Variants in ICA1L observed in about 807,000 individuals in gnomAD.
ICA1L encodes islet cell autoantigen 1-like protein.
In ICA1L, 50 loss-of-function variants were observed where a neutral mutation model predicts 61.3. The observed-to-expected ratio is 0.82, with a 90% CI of 0.65 to 1.03. The LOEUF (loss-of-function observed/expected upper bound fraction) is 1.03. Among genes scored for constraint, ICA1L ranks in the 50% least tolerant of loss-of-function variants. ICA1L has a pLI of 0.00. For synonymous variants in ICA1L, 161 were observed against 191.3 expected (o/e 0.84, Z 1.31); for missense variants, 508 against 556.7 (o/e 0.91, Z 0.88).
chr2:202,834,085 T>C (rs1574364478), intron 1 of ICA1L, among the ~76,000 whole-genome samples: 2 of 152,204 alleles, frequency 1.3e-5, no homozygotes, highest in East Asian at 3.8e-4. Context: ...GATGAGGTAA[T>C]ACATATGTTA....
intron 3 of ICA1L, among the ~76,000 whole-genome samples, chr2:202,823,594 T>C (rs1369287362): frequency 6.6e-6 from 1 of 152,154 alleles, no homozygotes; most frequent in Non-Finnish European, 1.5e-5. Flanking sequence ...TTTGTTCCTT[T>C]ATCCTCCCAT....
chr2:202,816,170 A>G (rs746766993), intron 6 of ICA1L, among the ~76,000 whole-genome samples, 161 bp from the exon 7 acceptor site: 14 of 152,234 alleles, frequency 9.2e-5, no homozygotes, highest in Non-Finnish European at 1.6e-4. Context: ...AGCACTGCAA[A>G]TAGTACTTGT....
chr2:202,821,551 A>C (rs1482754690), intron 3 of ICA1L, 70 bp from the exon 4 acceptor site: 5 of 1,180,516 alleles, frequency 4.2e-6, no homozygotes, highest in South Asian at 2.9e-5. Context: ...ACACAACTAA[A>C]AATCTCACAG....
intron 12 of ICA1L, among the ~76,000 whole-genome samples, chr2:202,782,086 C>T (rs1275104299): frequency 6.6e-6 from 1 of 152,120 alleles, no homozygotes; most frequent in African/African-American, 2.4e-5. Context: ...TGGTTCATGC[C>T]TGTAATCCCA....
chr2:202,786,597 G>C lies in ICA1L; in HGVS notation c.1244-590C>G, dbSNP rs755225056. 201 of 311,392 alleles carry C rather than the reference G, an allele frequency of 6.5e-4. 1 individual carries two copies. Among genetic ancestry groups the C allele is most frequent in the Middle Eastern group, 2.4e-3 (6 of 2,528 alleles). The allele number at this position is 311,392 out of a possible 1,614,324, so 19.3% of individuals were successfully genotyped here. ...TAATAATTGAAATGCAAAAGGTATAGGAAGAAGTTCTAAAGAGTCAAGAAG... is the reference window on the plus strand; with the variant it reads ...TAATAATTGAAATGCAAAAGGTATACGAAGAAGTTCTAAAGAGTCAAGAAG... On this transcript the variant is annotated intron_variant, in intron 11 of 12. Coordinates refer to ENST00000358299, the MANE Select transcript of ICA1L (RefSeq NM_001288622.3).
In ICA1L at chr2:202,828,904, T is replaced by C; in HGVS notation, c.106A>G (p.Lys36Glu). The C allele has an allele frequency of 3.1e-6, 5 of 1,613,904 alleles. No individual in the cohort carries two copies. Among genetic ancestry groups the C allele is most frequent in the Non-Finnish European group, 4.2e-6 (5 of 1,179,956 alleles). ...TKQVFIKATG[K>E]KEDEHLVASD... ...GCCACCAAGTGCTCATCCTCTTTTT[T>C]TCCTGTTGCTTTGATAAAGACCTGT... is the stretch of plus-strand genomic sequence containing the variant. Residue 36 changes from lysine to glutamate, a missense_variant, in exon 2 of 13, where the codon AAA becomes GAA. Transcript: ENST00000358299.
At position 202,813,716 on chromosome 2, in the gene ICA1L, T is replaced by C. The variant is rs557868915; in HGVS notation, c.866+986A>G. Among the ~76,000 whole-genome samples the C allele has an allele frequency of 2.0e-4, 31 of 152,294 alleles. No individual in the cohort carries two copies. In the East Asian group the frequency reaches 5.0e-3, roughly 25 times the overall value. On this transcript the variant is annotated intron_variant, in intron 8 of 12. Transcript: ENST00000358299. ...CCTTATTTCTGAGTTCGTTAATATA[T>C]TGAATCTGGTTAAAATGAGAATTAA... is the stretch of plus-strand genomic sequence containing the variant.
At chr2:202,789,131 G>A in intron 10 of ICA1L, 44 bp from the exon 11 acceptor site, 1 of 1,486,152 alleles carries the variant, frequency 6.7e-7, no homozygotes, top group Non-Finnish European at 9.2e-7. Flanking sequence ...TTGATTTTAG[G>A]AAATGAGAGT....
rs565238353 is a variant in ICA1L at position 202,826,834 on chromosome 2, C to G, written c.163-1067G>C. ...GACTTAGTTCAAGAAGACCTTGGTACTGCTATATAATATTAAGCCCTAACC... is the reference window on the plus strand; with the variant it reads ...GACTTAGTTCAAGAAGACCTTGGTAGTGCTATATAATATTAAGCCCTAACC... On this transcript the variant is annotated intron_variant, in intron 2 of 12. Coordinates refer to ENST00000358299, the MANE Select transcript of ICA1L (RefSeq NM_001288622.3). Among the ~76,000 whole-genome samples the G allele has an allele frequency of 2.0e-5, 3 of 151,862 alleles. No individual in the cohort carries two copies. The South Asian group carries it at 6.2e-4, about 32-fold the overall frequency.
chr2:202,810,428 T>C (rs920271389), intron 9 of ICA1L, among the ~76,000 whole-genome samples: 6 of 152,208 alleles, frequency 3.9e-5, no homozygotes, highest in African/African-American at 7.2e-5. Context: ...TGGACACTTA[T>C]CACTTCCCCA....
intron 1 of ICA1L, among the ~76,000 whole-genome samples, chr2:202,869,274 C>T (rs920057414): frequency 1.2e-4 from 18 of 151,990 alleles, no homozygotes; most frequent in Admixed American, 6.6e-5. Context: ...AGGAGAATGG[C>T]GTGAACCCGG....
At chr2:202,835,353 A>G (rs1176744557) in intron 1 of ICA1L, among the ~76,000 whole-genome samples, 2 of 150,900 alleles carry the variant, frequency 1.3e-5, no homozygotes, top group East Asian at 3.9e-4. Context: ...TTACAGGTGC[A>G]TGCCACCACA....
rs1321940503 is a variant in ICA1L at position 202,780,957 on chromosome 2, A to G, written c.1334-1309T>C. Among the ~76,000 whole-genome samples the G allele has an allele frequency of 3.3e-5, 5 of 152,208 alleles. No individual in the cohort carries two copies. The East Asian group carries it at 5.8e-4, about 18-fold the overall frequency. On this transcript the variant is annotated intron_variant, in intron 12 of 12. Transcript: ENST00000358299. ...ATACATGAGACTAAATAGGGGCACT[A>G]TTAGTCATTATGCCAGAAGAATAGG...
chr2:202,818,915 A>G (rs1459827332), intron 5 of ICA1L, among the ~76,000 whole-genome samples: 1 of 152,260 alleles, frequency 6.6e-6, no homozygotes, highest in Non-Finnish European at 1.5e-5. Flanking sequence ...AGCAATTTTA[A>G]AGTGTTCAAT....
chr2:202,793,540 T>C (rs1348396514), intron 10 of ICA1L, among the ~76,000 whole-genome samples: 6 of 121,858 alleles, frequency 4.9e-5, no homozygotes, highest in Admixed American at 2.9e-4. Flanking sequence ...TAGCCAGGTG[T>C]GGTGGCAGGT....
At chr2:202,793,778 G>A (rs1053801104) in intron 10 of ICA1L, among the ~76,000 whole-genome samples, 1 of 151,980 alleles carries the variant, frequency 6.6e-6, no homozygotes, top group African/African-American at 2.4e-5. Flanking sequence ...CCTGAGGTCA[G>A]GAGTTTGAGA....
chr2:202,848,415 G>A (rs879421015), intron 1 of ICA1L, among the ~76,000 whole-genome samples: 5 of 152,186 alleles, frequency 3.3e-5, no homozygotes, highest in Non-Finnish European at 7.3e-5. Flanking sequence ...TCAGAAGAAA[G>A]TCATCTGTGG....
In ICA1L at chr2:202,821,408, G is replaced by T. The variant is rs144495877; in HGVS notation, c.309C>A (p.Gly103=). ...FQAERDATQA[G]KMMDATGKAL... is the part of the protein sequence containing the mutation. Reference sequence around the variant, plus strand: ...CCTTGCCAGTGGCATCCATCATTTTGCCAGCTTGAGTTGCATCCCGTTCTG... The same window carrying T: ...CCTTGCCAGTGGCATCCATCATTTTTCCAGCTTGAGTTGCATCCCGTTCTG... The change falls in exon 4 of 13, where the codon GGC becomes GGA. Residue 103 remains glycine, a synonymous_variant. Transcript: ENST00000358299. The T allele has an allele frequency of 5.0e-6, 8 of 1,613,308 alleles. No individual in the cohort carries two copies. In the African/African-American group the frequency reaches 8.0e-5, roughly 16 times the overall value.
At chr2:202,846,901 G>C (rs564992975) in intron 1 of ICA1L, among the ~76,000 whole-genome samples, 51 of 152,284 alleles carry the variant, frequency 3.3e-4, no homozygotes, top group Non-Finnish European at 7.1e-4. Context: ...AACTTTATTT[G>C]TAAGGGAGCT....
Sources: gnomAD v4.1 joint callset for allele counts (sites outside exome capture counted in the v4.1 genomes callset) on GRCh38, gnomAD v4.1.1 for gene constraint, MANE v1.5 for transcripts, NCBI Gene and HGNC (gene_info 2026-07-23, HGNC 2026-07-21) for gene names.